Variants in CDKN2C observed in about 807,000 individuals in gnomAD.
The protein encoded by CDKN2C is cyclin-dependent kinase 4 inhibitor C.
In CDKN2C, 5 loss-of-function variants were observed where a neutral mutation model predicts 11.0. That is an observed-to-expected ratio of 0.45 (90% CI 0.24 to 0.95). CDKN2C has a LOEUF of 0.95. Among genes scored for constraint, CDKN2C ranks in the 40% least tolerant of loss-of-function variants. CDKN2C has a pLI of 0.21. For synonymous variants in CDKN2C, 79 were observed against 88.3 expected, an observed-to-expected ratio of 0.89 and a Z score of 0.59; for missense variants, 161 against 211.9, an observed-to-expected ratio of 0.76 and a Z score of 1.49.
upstream of CDKN2C, chr1:50,969,398 G>A (rs1009897330): frequency 3.3e-5 from 5 of 152,300 alleles, no homozygotes; most frequent in East Asian, 5.8e-4. The surrounding 1 kb of genome is among the most constrained non-coding windows in gnomAD (Gnocchi z 6.6). Context: ...CAGCAGTCCG[G>A]GCTCCGTAGA....
At chr1:50,962,323 G>T (rs759270082) in intron 1 of CDKN2C, among the ~76,000 whole-genome samples, 2 of 152,232 alleles carry the variant, frequency 1.3e-5, no homozygotes, top group African/African-American at 4.8e-5. Flanking sequence ...GGTGGAGGTT[G>T]CAGTGTGAAC....
intron 1 of CDKN2C, among the ~76,000 whole-genome samples, chr1:50,972,532 T>TA (rs1229625823): frequency 2.0e-5 from 3 of 152,122 alleles, no homozygotes. Flanking sequence ...ATTGAGTGTC[T>TA]ATTATACAAG....
chr1:50,968,598 G>T (rs1645360400), upstream of CDKN2C: 1 of 152,286 alleles, frequency 6.6e-6, no homozygotes, highest in South Asian at 2.1e-4. Context: ...CGCGGGACCG[G>T]GCGGGCGGAG....
Position 50,974,104 on chromosome 1 carries a change from G to A in CDKN2C, c.341G>A (p.Gly114Asp). The part of the protein sequence containing the change: ...NLPLHLAAKE[G>D]HLRVVEFLVK... Reference sequence around the variant, plus strand: ...CCCTTGCACTTGGCTGCCAAAGAAGGCCACCTCCGGGTGGTGGAGTTCCTG... The same window carrying A: ...CCCTTGCACTTGGCTGCCAAAGAAGACCACCTCCGGGTGGTGGAGTTCCTG... The change falls in exon 2 of 2, where the codon GGC (glycine) becomes GAC (aspartate). Residue 114 changes from glycine to aspartate, a missense_variant. Transcript: ENST00000371761. 3 of 1,614,184 alleles carry A rather than the reference G, an allele frequency of 1.9e-6. No homozygotes were observed. The highest frequency in any genetic ancestry group is 2.5e-6 in the Non-Finnish European group (3 of 1,180,024).
upstream of CDKN2C, among the ~76,000 whole-genome samples, chr1:50,966,766 T>C (rs1412013496): frequency 6.7e-6 from 1 of 150,314 alleles, no homozygotes; most frequent in African/African-American, 2.4e-5. Context: ...CTTTGCCAAA[T>C]AATTTAATAT....
upstream of CDKN2C, chr1:50,968,572 G>C (rs1278718279): frequency 6.6e-6 from 1 of 152,424 alleles, no homozygotes; most frequent in Non-Finnish European, 1.5e-5. Flanking sequence ...TGGAGAGCGG[G>C]AGGCGGGAAT....
chr1:50,969,366 G>C (rs1463797861), upstream of CDKN2C: 3 of 152,320 alleles, frequency 2.0e-5, no homozygotes, highest in Non-Finnish European at 4.4e-5. The surrounding 1 kb of genome is among the most constrained non-coding windows in gnomAD (Gnocchi z 6.6). Context: ...CAGTGCAGCC[G>C]CAATGCTGCC....
chr1:50,965,495 C>CA (rs143889380), upstream of CDKN2C, among the ~76,000 whole-genome samples: 200 of 143,732 alleles, frequency 1.4e-3, no homozygotes, highest in African/African-American at 4.3e-3. Context: ...GACTCTGTCT[C>CA]AAAAAAAAAA....
At chr1:50,964,177 C>T (rs965392821) in intron 1 of CDKN2C, among the ~76,000 whole-genome samples, 1 of 152,110 alleles carries the variant, frequency 6.6e-6, no homozygotes, top group Admixed American at 6.6e-5. Flanking sequence ...TCTGGAGGCT[C>T]TATTTGGATT....
rs145807732 is a variant in CDKN2C at position 50,963,474 on chromosome 1, C to T, written c.-1976+2671C>T. On this transcript the variant is annotated intron_variant, in intron 1 of 3. Transcript: ENST00000262662. The stretch of plus-strand genomic sequence containing the variant: ...TTTACAGAATATAAAGCTGCTCTGG[C>T]AAGTTAAGAATTTGCTCAAAGTCAT... Among the ~76,000 whole-genome samples, 248 of 152,292 alleles carry T rather than the reference C, an allele frequency of 1.6e-3. 7 individuals carry two copies. In the East Asian group the frequency reaches 0.042, roughly 26 times the overall value.
In CDKN2C at chr1:50,974,272, C is replaced by T. The variant is rs745533110; in HGVS notation, c.*2C>T. 7.8e-6 allele frequency: 12 copies of T among 1,545,744 alleles called. No individual in the cohort carries two copies. The African/African-American group carries it at 8.3e-5, about 11-fold the overall frequency. ...GGGGGAGCCACAAATCTTCAATAAA[C>T]GTGGGGAGGGCTCCCCCACGTTGCC... On this transcript the variant is annotated 3_prime_UTR_variant, in exon 2 of 2. Transcript: ENST00000371761.
intron 1 of CDKN2C, among the ~76,000 whole-genome samples, chr1:50,962,410 A>G (rs1307578929): frequency 6.6e-6 from 1 of 152,208 alleles, no homozygotes. Flanking sequence ...TATTTTTTTA[A>G]AAAGAAAGTA....
rs1165330280 is a variant in CDKN2C at position 50,974,468 on chromosome 1, C to G, written c.*198C>G. 4.3e-6 allele frequency: 2 copies of G among 468,528 alleles called. No homozygotes were observed. The highest frequency in any genetic ancestry group is 7.3e-6 in the Non-Finnish European group (2 of 273,258). 29.0% of individuals were successfully genotyped at this position (468,528 alleles called of 1,614,324 possible). A position where few individuals can be genotyped will look rare whatever the true frequency, so the allele number is the denominator to read the frequency against. On this transcript the variant is annotated 3_prime_UTR_variant, in exon 2 of 2. Transcript: ENST00000371761. ...ATCTTTTTAACCTGCAAAATCTGTT[C>G]TAACATGTAATTGCAGATAACTTTG...
intron 1 of CDKN2C, 23 bp from the exon 2 acceptor site, chr1:50,973,870 T>C (rs1435671440): frequency 6.2e-7 from 1 of 1,613,632 alleles, no homozygotes; most frequent in Admixed American, 1.7e-5. Flanking sequence ...TGAAGGATTC[T>C]ACCATTTCTA....
At position 50,970,448 on chromosome 1, in the gene CDKN2C, A is replaced by G. The variant is rs371529586; in HGVS notation, c.80A>G (p.Asn27Ser). The G allele has an allele frequency of 1.6e-5, 26 of 1,614,062 alleles. No individual in the cohort carries two copies. The highest frequency in any genetic ancestry group is 2.2e-5 in the Non-Finnish European group (26 of 1,180,046). ...DLEQLTSLLQNNVNVNAQNGF... is the reference protein window; with the variant it reads ...DLEQLTSLLQSNVNVNAQNGF... Reference sequence around the variant, plus strand: ...GAGCAACTTACTAGTTTGTTGCAAAATAATGTAAACGTCAATGCACAAAAT... The same window carrying G: ...GAGCAACTTACTAGTTTGTTGCAAAGTAATGTAAACGTCAATGCACAAAAT... Residue 27 changes from asparagine to serine, a missense_variant, in exon 1 of 2, where the codon AAT (asparagine) becomes AGT (serine). Transcript: ENST00000371761.
At chr1:50,973,826 A>G in intron 1 of CDKN2C, 67 bp from the exon 2 acceptor site, 2 of 1,552,818 alleles carry the variant, frequency 1.3e-6, no homozygotes, top group South Asian at 1.1e-5. Flanking sequence ...AAGGACAGGC[A>G]GATATTTTAA....
At chr1:50,972,870 A>G (rs1645388062) in intron 1 of CDKN2C, among the ~76,000 whole-genome samples, 2 of 152,202 alleles carry the variant, frequency 1.3e-5, no homozygotes. Flanking sequence ...AAAGGAACTA[A>G]CACAGGATCA....
At chr1:50,965,101 T>TAG (rs1357964838) in intron 1 of CDKN2C, among the ~76,000 whole-genome samples, 1 of 102,056 alleles carries the variant, frequency 9.8e-6, no homozygotes, top group African/African-American at 3.7e-5. Context: ...TAGATAGATA[T>TAG]GCATCATATT....
intron 1 of CDKN2C, 114 bp downstream of exon 1, chr1:50,970,611 C>G: frequency 7.9e-7 from 1 of 1,263,570 alleles, no homozygotes; most frequent in Non-Finnish European, 1.2e-6. Flanking sequence ...TGTTTTTAAA[C>G]CTAGTTGGTT....
Sources: allele counts gnomAD v4.1 joint callset (sites outside exome capture counted in the v4.1 genomes callset), GRCh38; gene constraint gnomAD v4.1.1; non-coding constraint Gnocchi (gnomAD v3.1); transcripts MANE v1.5; gene names NCBI Gene and HGNC (gene_info 2026-07-23, HGNC 2026-07-21).